Variants in CFAP91 observed in about 807,000 individuals in gnomAD.
CFAP91 encodes cilia and flagella associated protein 91.
Under a neutral mutation model 95.9 loss-of-function variants are expected in CFAP91, and 85 were observed. The observed-to-expected ratio is 0.89, with a 90% CI of 0.74 to 1.06. The LOEUF is 1.06. Ranked by LOEUF, CFAP91 falls within the 50% of genes least tolerant of loss-of-function variation. The probability of loss-of-function intolerance (pLI) is 0.00; values close to 1 mark genes in which losing one functional copy is unlikely to be tolerated. For missense variants in CFAP91, 962 were observed against 943.4 expected, an observed-to-expected ratio of 1.02 and a Z score of -0.26; for synonymous variants, 335 against 327.5, an observed-to-expected ratio of 1.02 and a Z score of -0.25.
rs773866690 is a variant in CFAP91, at chr3:119,737,453, C to T, written c.1432C>T (p.Pro478Ser). The change falls in exon 11 of 18, where the codon CCA becomes TCA. Residue 478 changes from proline to serine, a missense_variant. Physicochemically the swap from Pro to Ser is moderately conservative, Grantham distance 74. Coordinates refer to ENST00000273390, the MANE Select transcript of CFAP91 (RefSeq NM_033364.4). ...QRNPIPQPRL[P>S]TPTLEMTSNE... ...AAACCCAATACCTCAACCTCGGCTT[C>T]CAACTCCAACCTTGGAAATGACGTC... 3.0e-5 allele frequency: 49 copies of T among 1,607,892 alleles called. No homozygotes were observed. The highest frequency in any genetic ancestry group is 1.6e-4 in the Middle Eastern group (1 of 6,072).
At chr3:119,728,803 G>A (rs67659273) in intron 7 of CFAP91, among the ~76,000 whole-genome samples, 2 of 152,062 alleles carry the variant, frequency 1.3e-5, no homozygotes, top group East Asian at 3.9e-4. Context: ...CTCCTCTAAG[G>A]AAGGCTTCCC....
chr3:119,714,216 A>C (rs2053530590), intron 5 of CFAP91, among the ~76,000 whole-genome samples: 1 of 152,148 alleles, frequency 6.6e-6, no homozygotes, highest in Middle Eastern at 3.4e-3. Context: ...CAAAAAAAAA[A>C]TTAGCCGGGC....
At chr3:119,736,573 G>A (rs990999941) in intron 10 of CFAP91, among the ~76,000 whole-genome samples, 2 of 152,060 alleles carry the variant, frequency 1.3e-5, no homozygotes, top group African/African-American at 2.4e-5. Context: ...ACCGCGCCCG[G>A]CCTATTCTAC....
At chr3:119,703,370 G>A (rs1228709352) in intron 1 of CFAP91, 148 bp downstream of exon 1, 2 of 1,289,098 alleles carry the variant, frequency 1.6e-6, no homozygotes, top group Non-Finnish European at 2.1e-6. Context: ...GTCGGGTGGG[G>A]GCAGCTCCGA....
chr3:119,756,601 T>C (rs1187952276), intron 17 of CFAP91, among the ~76,000 whole-genome samples: 1 of 152,160 alleles, frequency 6.6e-6, no homozygotes, highest in Non-Finnish European at 1.5e-5. Context: ...AAGAGTAATA[T>C]ATAAGTCAGA....
At chr3:119,753,029 G>A (rs2054354884) in intron 17 of CFAP91, among the ~76,000 whole-genome samples, 1 of 152,122 alleles carries the variant, frequency 6.6e-6, no homozygotes, top group Non-Finnish European at 1.5e-5. Context: ...GTAGTCATGG[G>A]CCACTGATTT....
chr3:119,707,468 A>G lies in CFAP91; in HGVS notation c.266A>G (p.Tyr89Cys), dbSNP rs2053387739. The change falls in exon 3 of 18, where the codon TAT (tyrosine) becomes TGT (cysteine). Residue 89 changes from tyrosine (Y) to cysteine (C), a missense_variant. Transcript: ENST00000273390. The stretch of plus-strand genomic sequence containing the variant: ...ATCCATTATCCAAGATATTCTCTAT[A>G]TTGGAGCAAGTCAGATCCTGTCCCA... ...NLIHYPRYSLYWSKSDPVPPF... is the reference protein window; with the variant it reads ...NLIHYPRYSLCWSKSDPVPPF... The G allele has an allele frequency of 6.3e-7, 1 of 1,596,914 alleles. No individual in the cohort carries two copies. The highest frequency in any genetic ancestry group is 1.3e-5 in the African/African-American group (1 of 74,834).
At chr3:119,709,709 T>C in intron 4 of CFAP91, 130 bp from the exon 5 acceptor site, 1 of 704,970 alleles carries the variant, frequency 1.4e-6, no homozygotes, top group Non-Finnish European at 2.5e-6. Context: ...GTCCAGAAGT[T>C]TGAGTAACAC....
intron 17 of CFAP91, among the ~76,000 whole-genome samples, chr3:119,761,359 A>G (rs1184790881): frequency 1.3e-5 from 2 of 151,936 alleles, no homozygotes; most frequent in Non-Finnish European, 2.9e-5. Flanking sequence ...AGATTGAATC[A>G]GTAATGAAAA....
intron 7 of CFAP91, among the ~76,000 whole-genome samples, chr3:119,727,113 A>T (rs1056183074): frequency 6.6e-5 from 10 of 152,184 alleles, no homozygotes; most frequent in Non-Finnish European, 1.3e-4. Context: ...GCGTTTGCTG[A>T]GTTTGTCCTT....
Position 119,718,479 on chromosome 3 carries a change from G to A in CFAP91, c.682+2736G>A, listed in dbSNP as rs183975763. On this transcript the variant is annotated intron_variant, in intron 6 of 17. Coordinates refer to ENST00000273390, the MANE Select transcript of CFAP91 (RefSeq NM_033364.4). ...CTAGGACATGAGTATAGGGAAAATG[G>A]TAGAGAAGCAATGCAAGAATCAGTG... Among the ~76,000 whole-genome samples the A allele has an allele frequency of 7.9e-5, 12 of 152,168 alleles. No homozygotes were observed. The East Asian group carries it at 2.3e-3, about 29-fold the overall frequency.
chr3:119,714,453 A>G (rs10934496), intron 5 of CFAP91, among the ~76,000 whole-genome samples: 110,998 of 151,784 alleles, frequency 0.73, 42,437 homozygotes, highest in Non-Finnish European at 0.85. Flanking sequence ...ATTTCCATCA[A>G]CAGTTTATGA....
intron 15 of CFAP91, 82 bp downstream of exon 15, chr3:119,747,345 C>G: frequency 6.9e-7 from 1 of 1,458,252 alleles, no homozygotes; most frequent in Non-Finnish European, 9.2e-7. Flanking sequence ...CTTACAATTT[C>G]ACCACCAAGT....
At chr3:119,758,236 G>T (rs1013842196) in intron 17 of CFAP91, among the ~76,000 whole-genome samples, 1 of 152,150 alleles carries the variant, frequency 6.6e-6, no homozygotes, top group Non-Finnish European at 1.5e-5. Context: ...ACAGAACACT[G>T]AATGGCTTTG....
chr3:119,717,397 G>T (rs2053595157), intron 6 of CFAP91, among the ~76,000 whole-genome samples: 1 of 152,184 alleles, frequency 6.6e-6, no homozygotes, highest in Non-Finnish European at 1.5e-5. Flanking sequence ...TGTCATAGCA[G>T]AACTGAAGTT....
chr3:119,747,645 TG>T lies in CFAP91; in HGVS notation c.2052-165del, dbSNP rs1327877952. The T allele has an allele frequency of 9.4e-6, 6 of 640,114 alleles. No homozygotes were observed. The East Asian group carries it at 1.7e-4, about 18-fold the overall frequency. The allele number at this position is 640,114 out of a possible 1,614,324, so 39.7% of individuals were successfully genotyped here. ...GGACAGGGTCAAATCCAAATTTTTT[TG>T]TGGAGTTAAACAAACTTGCCAGGAA... On this transcript the variant is annotated intron_variant, in intron 15 of 17. Coordinates refer to ENST00000273390, the MANE Select transcript of CFAP91 (RefSeq NM_033364.4).
rs1271571344 is a variant in CFAP91 at position 119,747,751 on chromosome 3, A to G, written c.2052-60A>G. The G allele has an allele frequency of 4.2e-6, 6 of 1,424,370 alleles. No homozygotes were observed. In the African/African-American group the frequency reaches 7.1e-5, roughly 17 times the overall value. 88.2% of individuals were successfully genotyped at this position (1,424,370 alleles called of 1,614,324 possible). Reference sequence around the variant, plus strand: ...AGTTGCTTACACAGCAGGAAAGCATAAATCAGCAGCTCAAGTGAAAAAACC... The same window carrying G: ...AGTTGCTTACACAGCAGGAAAGCATGAATCAGCAGCTCAAGTGAAAAAACC... On this transcript the variant is annotated intron_variant, in intron 15 of 17. Coordinates refer to ENST00000273390, the MANE Select transcript of CFAP91 (RefSeq NM_033364.4).
chr3:119,737,305 C>T (rs2054028321), intron 10 of CFAP91, 61 bp from the exon 11 acceptor site: 2 of 1,027,152 alleles, frequency 1.9e-6, no homozygotes, highest in African/African-American at 1.7e-5. Context: ...GCACTTTTAC[C>T]TCTTAAATTT....
At chr3:119,722,639 C>T (rs1016266719) in intron 6 of CFAP91, among the ~76,000 whole-genome samples, 2 of 152,036 alleles carry the variant, frequency 1.3e-5, no homozygotes, top group South Asian at 2.1e-4. Context: ...CAAGTCCACA[C>T]CACCATGCCA....
Sources: gnomAD v4.1 joint callset for allele counts (sites outside exome capture counted in the v4.1 genomes callset) on GRCh38, gnomAD v4.1.1 for gene constraint, MANE v1.5 for transcripts, NCBI Gene and HGNC (gene_info 2026-07-23, HGNC 2026-07-21) for gene names.